Variants in CHST11 observed in about 807,000 individuals in gnomAD.
The protein encoded by CHST11 is carbohydrate sulfotransferase 11.
A neutral mutation model predicts 30.4 loss-of-function variants in CHST11; 9 were observed. The ratio of observed to expected loss-of-function variants is 0.30; its 90% CI spans 0.18 to 0.52. CHST11 has a LOEUF of 0.52. CHST11 is among the 20% of genes least tolerant of loss of function. The probability of loss-of-function intolerance (pLI) is 0.97; values close to 1 mark genes in which losing one functional copy is unlikely to be tolerated. For synonymous variants in CHST11, 152 were observed against 187.8 expected, an observed-to-expected ratio of 0.81 and a Z score of 1.56; for missense variants, 348 against 460.6, an observed-to-expected ratio of 0.76 and a Z score of 2.24.
At chr12:104,701,551 G>T (rs556519720) in intron 2 of CHST11, among the ~76,000 whole-genome samples, 17 of 152,218 alleles carry the variant, frequency 1.1e-4, no homozygotes, top group African/African-American at 3.9e-4. Flanking sequence ...AGAGCTCCCT[G>T]TCACTGCAGG....
chr12:104,543,969 A>T (rs954839316), intron 1 of CHST11, among the ~76,000 whole-genome samples: 7 of 151,078 alleles, frequency 4.6e-5, no homozygotes, highest in Admixed American at 6.6e-5. Flanking sequence ...AAAAAATTTT[A>T]AAAAATTAGC....
intron 2 of CHST11, among the ~76,000 whole-genome samples, chr12:104,667,981 T>C (rs864454): frequency 0.62 from 94,086 of 152,010 alleles, 29,974 homozygotes; most frequent in African/African-American, 0.76. Context: ...AGGAACTGGA[T>C]TCATGGGGTT....
chr12:104,555,807 C>G (rs993667744), intron 1 of CHST11, among the ~76,000 whole-genome samples: 3 of 152,256 alleles, frequency 2.0e-5, no homozygotes, highest in Non-Finnish European at 2.9e-5. Context: ...CTGGAGCTGG[C>G]AAGGGGCCTG....
chr12:104,522,209 C>T (rs150473841), intron 1 of CHST11, among the ~76,000 whole-genome samples: 6 of 152,262 alleles, frequency 3.9e-5, no homozygotes, highest in Non-Finnish European at 7.4e-5. Context: ...GAGCACAGAG[C>T]GAACTTCCTG....
At chr12:104,592,286 AC>A (rs778968843) in intron 1 of CHST11, among the ~76,000 whole-genome samples, 4 of 152,052 alleles carry the variant, frequency 2.6e-5, no homozygotes, top group African/African-American at 4.8e-5. Context: ...ACAACAAAAT[AC>A]CATAAACTGG....
chr12:104,668,076 C>G (rs1170979557), intron 2 of CHST11, among the ~76,000 whole-genome samples: 5 of 125,978 alleles, frequency 4.0e-5, no homozygotes, highest in Non-Finnish European at 8.2e-5. Flanking sequence ...CGGTACCACC[C>G]CTGGCTTACC....
chr12:104,708,714 CCA>C (rs2136118805), intron 2 of CHST11, among the ~76,000 whole-genome samples: 1 of 152,298 alleles, frequency 6.6e-6, no homozygotes, highest in East Asian at 1.9e-4. Context: ...CTCTAGAAAA[CCA>C]CAGTCTGGGC....
chr12:104,541,122 TCTCTCTCTCACACACA>T (rs997205464), intron 1 of CHST11, among the ~76,000 whole-genome samples: 4 of 63,086 alleles, frequency 6.3e-5, no homozygotes, highest in South Asian at 8.4e-4. Context: ...TCCCTCTCTC[TCTCTCTCTCACACACA>T]CACACACACA....
At chr12:104,534,341 C>T (rs887509661) in intron 1 of CHST11, among the ~76,000 whole-genome samples, 21 of 152,142 alleles carry the variant, frequency 1.4e-4, no homozygotes, top group Middle Eastern at 3.2e-3. Context: ...ACCCTGAAAC[C>T]GTCTGTGGTT....
intron 2 of CHST11, among the ~76,000 whole-genome samples, chr12:104,693,864 T>C (rs2039920767): frequency 6.6e-6 from 1 of 152,210 alleles, no homozygotes; most frequent in African/African-American, 2.4e-5. Flanking sequence ...CTGGGACCGC[T>C]TATATAAAAT....
At chr12:104,662,854 T>C (rs1184613552) in intron 2 of CHST11, among the ~76,000 whole-genome samples, 1 of 152,258 alleles carries the variant, frequency 6.6e-6, no homozygotes, top group Non-Finnish European at 1.5e-5. Flanking sequence ...TTTTAATGTT[T>C]ACAGGTCCCC....
chr12:104,753,123 G>T (rs796169101), intron 2 of CHST11, among the ~76,000 whole-genome samples: 1 of 152,170 alleles, frequency 6.6e-6, no homozygotes, highest in South Asian at 2.1e-4. Flanking sequence ...GAGGCACCTT[G>T]GGCAGTCACT....
chr12:104,584,920 A>G (rs1409117565), intron 1 of CHST11, among the ~76,000 whole-genome samples: 1 of 152,248 alleles, frequency 6.6e-6, no homozygotes, highest in African/African-American at 2.4e-5. Context: ...GGGTGTAAAC[A>G]TCATCATGGC....
chr12:104,478,892 A>G (rs957443717), intron 1 of CHST11, among the ~76,000 whole-genome samples: 1 of 152,130 alleles, frequency 6.6e-6, no homozygotes, highest in African/African-American at 2.4e-5. Flanking sequence ...TTCTTAACAC[A>G]TAGTGGGAGA....
chr12:104,583,850 T>C (rs545789422), intron 1 of CHST11, among the ~76,000 whole-genome samples: 5 of 152,008 alleles, frequency 3.3e-5, no homozygotes, highest in South Asian at 2.1e-4. Context: ...GTAGCTGGGA[T>C]TACAGGCACC....
At chr12:104,558,983 A>G (rs912633405) in intron 1 of CHST11, among the ~76,000 whole-genome samples, 4 of 151,662 alleles carry the variant, frequency 2.6e-5, no homozygotes, top group Middle Eastern at 3.4e-3. Flanking sequence ...TGCATTCTCC[A>G]TTGGAGGTGG....
intron 1 of CHST11, among the ~76,000 whole-genome samples, chr12:104,588,394 C>T (rs1255301247): frequency 6.6e-6 from 1 of 152,166 alleles, no homozygotes; most frequent in Non-Finnish European, 1.5e-5. Flanking sequence ...ATTGGGGTCA[C>T]CTTCTCAAGC....
chr12:104,620,759 A>C (rs1013866467), intron 2 of CHST11, among the ~76,000 whole-genome samples: 13 of 152,226 alleles, frequency 8.5e-5, no homozygotes, highest in Non-Finnish European at 2.9e-5. Flanking sequence ...CTAGCATAGA[A>C]CATTGTGACT....
intron 1 of CHST11, among the ~76,000 whole-genome samples, chr12:104,581,550 A>G (rs1280759576): frequency 6.6e-6 from 1 of 152,164 alleles, no homozygotes; most frequent in Non-Finnish European, 1.5e-5. Context: ...GAAACCGTTG[A>G]TTTAAAGGAA....
Sources: allele counts gnomAD v4.1 joint callset (sites outside exome capture counted in the v4.1 genomes callset), GRCh38; gene constraint gnomAD v4.1.1; transcripts MANE v1.5; gene names NCBI Gene and HGNC (gene_info 2026-07-23, HGNC 2026-07-21).